Variants in TMOD2 observed in about 807,000 individuals in gnomAD.
TMOD2 encodes the protein tropomodulin-2.
TMOD2 carries 22 observed loss-of-function variants against 39.9 expected under a neutral mutation model. The ratio of observed to expected loss-of-function variants is 0.55; its 90% CI spans 0.39 to 0.79. The LOEUF (loss-of-function observed/expected upper bound fraction) is 0.79. Ranked by LOEUF, TMOD2 falls within the 30% of genes least tolerant of loss-of-function variation. TMOD2 has a pLI of 0.00. For missense variants in TMOD2, 386 were observed against 413.3 expected (o/e 0.93, Z 0.57); for synonymous variants, 123 against 146.1 (o/e 0.84, Z 1.14).
chr15:51,794,020 CT>C (rs2056030754), intron 7 of TMOD2, among the ~76,000 whole-genome samples: 1 of 152,236 alleles, frequency 6.6e-6, no homozygotes, highest in Non-Finnish European at 1.5e-5. Flanking sequence ...GTGCAAGCAA[CT>C]GCCTGACCAA....
intron 1 of TMOD2, among the ~76,000 whole-genome samples, chr15:51,752,076 C>G (rs1021343764): frequency 6.6e-6 from 1 of 152,048 alleles, no homozygotes; most frequent in Admixed American, 6.5e-5. Context: ...TTTGTTCCCC[C>G]ACTTTTCCCC....
At chr15:51,759,075 A>G (rs1344626763) in intron 1 of TMOD2, among the ~76,000 whole-genome samples, 1 of 152,216 alleles carries the variant, frequency 6.6e-6, no homozygotes, top group Non-Finnish European at 1.5e-5. Context: ...TGGCGAATGG[A>G]TCAGGAAGGG....
At chr15:51,791,207 A>G (rs7177372) in intron 7 of TMOD2, among the ~76,000 whole-genome samples, 6 of 152,234 alleles carry the variant, frequency 3.9e-5, no homozygotes, top group African/African-American at 1.4e-4. Context: ...TCTATACACC[A>G]AGAACAAACA....
At chr15:51,771,673 A>G (rs1249348872) in intron 3 of TMOD2, among the ~76,000 whole-genome samples, 1 of 152,162 alleles carries the variant, frequency 6.6e-6, no homozygotes, top group African/African-American at 2.4e-5. Context: ...TTTAAAAACA[A>G]AGAAAGAAAG....
rs563410937 is a variant in TMOD2 at position 51,812,696 on chromosome 15, G to C, written c.*4242G>C. On this transcript the variant is annotated 3_prime_UTR_variant, in exon 10 of 10. Coordinates refer to ENST00000249700, the MANE Select transcript of TMOD2 (RefSeq NM_014548.4). The stretch of plus-strand genomic sequence containing the variant: ...GAGGGCGGGAAGTTGAGAACACTAG[G>C]TTCTGTGCTATGTTACCTGTATTCA... 1.6e-4 allele frequency: 24 copies of C among 152,296 alleles called. No homozygotes were observed. The highest frequency in any genetic ancestry group is 5.8e-4 in the African/African-American group (24 of 41,552). 9.4% of individuals were successfully genotyped at this position (152,296 alleles called of 1,614,324 possible).
At chr15:51,777,431 T>C (rs947096498) in intron 5 of TMOD2, among the ~76,000 whole-genome samples, 1 of 152,222 alleles carries the variant, frequency 6.6e-6, no homozygotes, top group Non-Finnish European at 1.5e-5. Flanking sequence ...TTTGAGTGTC[T>C]TTTTGTCTCA....
intron 7 of TMOD2, among the ~76,000 whole-genome samples, chr15:51,785,218 C>G (rs1379751177): frequency 1.3e-5 from 2 of 151,892 alleles, no homozygotes; most frequent in Non-Finnish European, 2.9e-5. Context: ...CGAGACCATC[C>G]TGGCTAACAA....
chr15:51,759,440 T>C (rs894826698), intron 1 of TMOD2, among the ~76,000 whole-genome samples: 1 of 152,158 alleles, frequency 6.6e-6, no homozygotes, highest in Non-Finnish European at 1.5e-5. Flanking sequence ...GATGAGTTCC[T>C]CCAGAGAGAA....
chr15:51,795,062 T>G (rs2056038366), intron 7 of TMOD2, among the ~76,000 whole-genome samples: 1 of 152,204 alleles, frequency 6.6e-6, no homozygotes, highest in African/African-American at 2.4e-5. Flanking sequence ...TGTTTTTCCT[T>G]GCTAGAAATT....
chr15:51,776,786 T>C lies in TMOD2; in HGVS notation c.407-146T>C, dbSNP rs569746234. On this transcript the variant is annotated intron_variant, in intron 4 of 9. Coordinates refer to ENST00000249700, the MANE Select transcript of TMOD2 (RefSeq NM_014548.4). ...GTTTTTGTAAGTGTATTTAACGCTA[T>C]ACATGTACCACACACTGTGCAAGGA... The C allele has an allele frequency of 2.8e-4, 174 of 629,618 alleles. 2 individuals carry two copies. The South Asian group carries it at 2.8e-3, about 10-fold the overall frequency. 39.0% of individuals were successfully genotyped at this position (629,618 alleles called of 1,614,324 possible).
chr15:51,812,776 C>T lies in TMOD2; in HGVS notation c.*4322C>T, dbSNP rs978524275. On this transcript the variant is annotated 3_prime_UTR_variant, in exon 10 of 10. Coordinates refer to ENST00000249700, the MANE Select transcript of TMOD2 (RefSeq NM_014548.4). ...GTCATGATCCTGAAGCTTCCTTCCC[C>T]TCTTCCACTAATGATGCAATAATAG... 5 of 152,174 alleles carry T rather than the reference C, an allele frequency of 3.3e-5. No homozygotes were observed. The allele number at this position is 152,174 out of a possible 1,614,324, so 9.4% of individuals were successfully genotyped here.
chr15:51,777,304 A>G (rs1030365344), intron 5 of TMOD2, among the ~76,000 whole-genome samples: 8 of 152,212 alleles, frequency 5.3e-5, no homozygotes, highest in African/African-American at 1.9e-4. Flanking sequence ...GGTATAATCC[A>G]TATTCATGAA....
chr15:51,763,047 A>C (rs1028260607), intron 1 of TMOD2, among the ~76,000 whole-genome samples: 1 of 151,648 alleles, frequency 6.6e-6, no homozygotes, highest in Non-Finnish European at 1.5e-5. Context: ...CAATTCTCCC[A>C]CCCCAACCTC....
intron 1 of TMOD2, among the ~76,000 whole-genome samples, chr15:51,753,682 C>A (rs2055722853): frequency 6.6e-6 from 1 of 150,880 alleles, no homozygotes; most frequent in Non-Finnish European, 1.5e-5. Flanking sequence ...TTACCTAGAC[C>A]AGACAATCCT....
At chr15:51,789,332 C>CA (rs1029487582) in intron 7 of TMOD2, among the ~76,000 whole-genome samples, 2 of 152,090 alleles carry the variant, frequency 1.3e-5, no homozygotes, top group Non-Finnish European at 2.9e-5. Flanking sequence ...TATATGCACC[C>CA]AATACAGGAG....
rs35154339 is a variant in TMOD2, at chr15:51,767,634, TAA to T, written c.127-617_127-616del. Among the ~76,000 whole-genome samples, 106 of 148,970 alleles carry T rather than the reference TAA, an allele frequency of 7.1e-4. No homozygotes were observed. The East Asian group carries it at 0.013, about 19-fold the overall frequency. ...TTTTAAATAAAAAGTCAATTACGGT[TAA>T]AAAAAAAAAATCGGAGCCATCCAAA... is the stretch of plus-strand genomic sequence containing the variant. On this transcript the variant is annotated intron_variant, in intron 2 of 9. Coordinates refer to ENST00000249700, the MANE Select transcript of TMOD2 (RefSeq NM_014548.4).
At position 51,781,182 on chromosome 15, in the gene TMOD2, A is replaced by T; in HGVS notation, c.624+8A>T. On this transcript the variant is annotated splice_region_variant and intron_variant, in intron 6 of 9. Coordinates refer to ENST00000249700, the MANE Select transcript of TMOD2 (RefSeq NM_014548.4). ...AACCTCAACAACATTAAGGTATTTC[A>T]TTGTGATTATCATCAGTCAGTTAAT... is the stretch of plus-strand genomic sequence containing the variant. The T allele has an allele frequency of 6.3e-7, 1 of 1,591,652 alleles. No individual in the cohort carries two copies. Among genetic ancestry groups the T allele is most frequent in the Non-Finnish European group, 8.5e-7 (1 of 1,172,972 alleles).
At chr15:51,806,812 TCTC>T (rs1041531968) in intron 9 of TMOD2, among the ~76,000 whole-genome samples, 5 of 152,352 alleles carry the variant, frequency 3.3e-5, no homozygotes, top group Admixed American at 3.3e-4. Flanking sequence ...TTACATGTAA[TCTC>T]CTTCTGTTTT....
intron 1 of TMOD2, 70 bp from the exon 2 acceptor site, chr15:51,766,303 T>C (rs924106125): frequency 1.4e-6 from 1 of 717,758 alleles, no homozygotes; most frequent in Non-Finnish European, 2.2e-6. Flanking sequence ...GGCATACTTC[T>C]GTCTCCTGTT....
Sources: gnomAD v4.1 joint callset for allele counts (sites outside exome capture counted in the v4.1 genomes callset) on GRCh38, gnomAD v4.1.1 for gene constraint, MANE v1.5 for transcripts, NCBI Gene and HGNC (gene_info 2026-07-23, HGNC 2026-07-21) for gene names.